The following ANKIB1 variants were observed in gnomAD, a reference collection of about 807,000 sequenced individuals.
The protein encoded by ANKIB1 is ankyrin repeat and IBR domain-containing protein 1.
ANKIB1 carries 43 observed loss-of-function variants against 122.1 expected under a neutral mutation model. That is an observed-to-expected ratio of 0.35 (90% CI 0.28 to 0.45). ANKIB1 has a LOEUF of 0.45. ANKIB1 is among the 20% of genes least tolerant of loss of function. The probability of loss-of-function intolerance (pLI) is 1.00; values close to 1 mark genes in which losing one functional copy is unlikely to be tolerated. For synonymous variants in ANKIB1, 390 were observed against 442.0 expected, an observed-to-expected ratio of 0.88 and a Z score of 1.48; for missense variants, 992 against 1,329.5, an observed-to-expected ratio of 0.75 and a Z score of 3.95.
chr7:92,362,287 T>TA lies in ANKIB1; in HGVS notation c.1486+15dup. On this transcript the variant is annotated intron_variant, in intron 10 of 19. Transcript: ENST00000265742. ...AACCAGAAGAACGTAAGAGGAATTT[T>TA]AGATAGCTTTGCTGCATATTTCCTG... 1 of 1,568,694 alleles carries TA rather than the reference T, an allele frequency of 6.4e-7. No individual in the cohort carries two copies. Among genetic ancestry groups the TA allele is most frequent in the Non-Finnish European group, 8.7e-7 (1 of 1,154,846 alleles).
At chr7:92,333,349 C>T (rs745951792) in intron 5 of ANKIB1, among the ~76,000 whole-genome samples, 9 of 152,156 alleles carry the variant, frequency 5.9e-5, no homozygotes, top group Admixed American at 3.9e-4. Flanking sequence ...CATGCTATAG[C>T]TACACTGACC....
At chr7:92,310,310 A>G (rs1802665317) in intron 3 of ANKIB1, among the ~76,000 whole-genome samples, 1 of 152,144 alleles carries the variant, frequency 6.6e-6, no homozygotes, top group African/African-American at 2.4e-5. Context: ...TTACTATTAA[A>G]TATAAAACAT....
In ANKIB1 at chr7:92,375,765, A is replaced by G. The variant is rs972368224; in HGVS notation, c.1617+4158A>G. ...GCATCTAGAATGGTGAATCCTTTCC[A>G]GAAGATTTTCCATTTACTCTGCCTA... On this transcript the variant is annotated intron_variant, in intron 11 of 19. Transcript: ENST00000265742. 3.3e-5 allele frequency among the ~76,000 whole-genome samples: 5 copies of G among 152,228 alleles called. No individual in the cohort carries two copies. The South Asian group carries it at 1.0e-3, about 31-fold the overall frequency.
intron 2 of ANKIB1, among the ~76,000 whole-genome samples, chr7:92,306,662 G>T (rs569329378): frequency 5.3e-5 from 8 of 152,192 alleles, no homozygotes; most frequent in Non-Finnish European, 1.0e-4. Context: ...TGAATCACCT[G>T]GCACCTTAAT....
intron 10 of ANKIB1, 147 bp downstream of exon 10, chr7:92,362,420 C>A: frequency 2.9e-6 from 2 of 694,578 alleles, no homozygotes; most frequent in Non-Finnish European, 2.4e-6. Flanking sequence ...ATCCCTTTGA[C>A]TAACTTCCTT....
chr7:92,362,173 T>A lies in ANKIB1; in HGVS notation c.1398-12T>A, dbSNP rs770612047. The A allele has an allele frequency of 3.8e-6, 6 of 1,582,132 alleles. No homozygotes were observed. The Admixed American group carries it at 7.3e-5, about 19-fold the overall frequency. ...ATTTTAAAATTGTCTTTTCTGTGTTTATTTTCTTTAGGGAGTGCCTTGGTG... is the reference window on the plus strand; with the variant it reads ...ATTTTAAAATTGTCTTTTCTGTGTTAATTTTCTTTAGGGAGTGCCTTGGTG... On this transcript the variant is annotated splice_polypyrimidine_tract_variant and intron_variant, in intron 9 of 19. Transcript: ENST00000265742.
At chr7:92,261,782 T>C (rs947400508) in intron 1 of ANKIB1, among the ~76,000 whole-genome samples, 7 of 152,218 alleles carry the variant, frequency 4.6e-5, no homozygotes, top group Non-Finnish European at 7.3e-5. Context: ...CAAACTTGAA[T>C]TTTATGTGCT....
intron 5 of ANKIB1, among the ~76,000 whole-genome samples, chr7:92,340,119 T>C (rs1382248552): frequency 6.6e-6 from 1 of 152,210 alleles, no homozygotes; most frequent in African/African-American, 2.4e-5. Context: ...ATGATGGCTT[T>C]GTTTGTCCCA....
chr7:92,384,324 AAATT>A (rs1804585078), intron 11 of ANKIB1, among the ~76,000 whole-genome samples: 1 of 152,212 alleles, frequency 6.6e-6, no homozygotes, highest in Non-Finnish European at 1.5e-5. Context: ...GGTAATTTAT[AAATT>A]CAGTGCCATC....
At chr7:92,340,246 C>T (rs1803407510) in intron 5 of ANKIB1, among the ~76,000 whole-genome samples, 1 of 152,190 alleles carries the variant, frequency 6.6e-6, no homozygotes, top group South Asian at 2.1e-4. Context: ...AGCTCTTCCT[C>T]AGTTTCCTGA....
rs1804949575 is a variant in ANKIB1, at chr7:92,398,531, C to A, written c.2852C>A (p.Pro951His). ...PLSEARSDFC[P>H]SSSDPDSAGQ... ...AGTGAGGCAAGAAGTGATTTCTGTC[C>A]CTCATCTAGTGATCCTGACTCAGCT... The change falls in exon 20 of 20, where the codon CCC (proline) becomes CAC (histidine). Residue 951 changes from proline (P) to histidine (H), a missense_variant. Physicochemically the swap from Pro to His is moderately conservative, Grantham distance 77. Around this residue, in one of 4 missense-constraint regions of ANKIB1, gnomAD observed 384 missense variants for 412.0 expected, o/e 0.93. Transcript: ENST00000265742. 6.2e-7 allele frequency: 1 copy of A among 1,613,922 alleles called. No individual in the cohort carries two copies. The highest frequency in any genetic ancestry group is 8.5e-7 in the Non-Finnish European group (1 of 1,179,860).
At chr7:92,360,693 C>G (rs1428162303) in intron 9 of ANKIB1, among the ~76,000 whole-genome samples, 1 of 152,198 alleles carries the variant, frequency 6.6e-6, no homozygotes, top group East Asian at 1.9e-4. Context: ...ATTTACATTT[C>G]TATCAGCAGT....
intron 1 of ANKIB1, among the ~76,000 whole-genome samples, chr7:92,286,751 C>T (rs1431383861): frequency 1.3e-5 from 2 of 152,186 alleles, no homozygotes; most frequent in Non-Finnish European, 2.9e-5. Context: ...GCTGGGATTA[C>T]AGGCGTGAGC....
At chr7:92,330,940 C>T (rs1187622637) in intron 5 of ANKIB1, among the ~76,000 whole-genome samples, 2 of 152,104 alleles carry the variant, frequency 1.3e-5, no homozygotes, top group African/African-American at 2.4e-5. Context: ...ACACAAAATA[C>T]TTTAAATTGT....
intron 11 of ANKIB1, among the ~76,000 whole-genome samples, chr7:92,376,778 C>G (rs563441741): frequency 6.6e-6 from 1 of 151,996 alleles, no homozygotes; most frequent in Non-Finnish European, 1.5e-5. Context: ...ATGAAGATGG[C>G]ATCTTTCCTT....
At chr7:92,282,640 A>G (rs1802033538) in intron 1 of ANKIB1, among the ~76,000 whole-genome samples, 1 of 152,274 alleles carries the variant, frequency 6.6e-6, no homozygotes, top group Non-Finnish European at 1.5e-5. Flanking sequence ...TGCCAACAGC[A>G]CCACAGTGTA....
chr7:92,365,945 G>A (rs1804069648), intron 10 of ANKIB1, among the ~76,000 whole-genome samples: 1 of 151,424 alleles, frequency 6.6e-6, no homozygotes, highest in Non-Finnish European at 1.5e-5. Flanking sequence ...ACAGGCACCT[G>A]CCACCATGCC....
At chr7:92,374,021 T>C (rs1043190825) in intron 11 of ANKIB1, among the ~76,000 whole-genome samples, 1 of 152,214 alleles carries the variant, frequency 6.6e-6, no homozygotes, top group Non-Finnish European at 1.5e-5. Flanking sequence ...CTGTTCATTA[T>C]ATATTCAAAC....
At chr7:92,390,294 T>G (rs1452634397) in intron 15 of ANKIB1, among the ~76,000 whole-genome samples, 178 bp downstream of exon 15, 1 of 152,176 alleles carries the variant, frequency 6.6e-6, no homozygotes, top group Non-Finnish European at 1.5e-5. Context: ...GAAATTTTCT[T>G]TTTGTTTAAA....
Sources: gnomAD v4.1 joint callset for allele counts (sites outside exome capture counted in the v4.1 genomes callset) on GRCh38, gnomAD v4.1.1 for gene constraint, gnomAD v4.1.1 regional missense constraint, MANE v1.5 for transcripts, NCBI Gene and HGNC (gene_info 2026-07-23, HGNC 2026-07-21) for gene names.